The following HERC3 variants were observed in gnomAD, a reference collection of about 807,000 sequenced individuals.
HERC3 encodes the protein HECT and RLD domain containing E3 ubiquitin protein ligase 3.
A neutral mutation model predicts 129.9 loss-of-function variants in HERC3; 58 were observed. The ratio of observed to expected loss-of-function variants is 0.45; its 90% CI spans 0.36 to 0.56. HERC3 has a LOEUF of 0.56. HERC3 is among the 20% of genes least tolerant of loss of function. The probability of loss-of-function intolerance (pLI) is 0.00; values close to 1 mark genes in which losing one functional copy is unlikely to be tolerated. For missense variants in HERC3, 835 were observed against 1,244.2 expected (o/e 0.67, Z 4.95); for synonymous variants, 430 against 451.0 (o/e 0.95, Z 0.59).
chr4:88,690,401 C>T lies in HERC3; in HGVS notation c.2657+3102C>T, dbSNP rs2924366. The stretch of plus-strand genomic sequence containing the variant: ...ATAACATTGTAGATGCGTGTGAGTA[C>T]GTATGTAGATACATACGTAACCTTT... On this transcript the variant is annotated intron_variant, in intron 23 of 25. Coordinates refer to ENST00000402738, the MANE Select transcript of HERC3 (RefSeq NM_014606.3). 0.012 allele frequency: 11,442 copies of T among 985,000 alleles called. 542 individuals carry two copies. In the East Asian group the frequency reaches 0.26, roughly 23 times the overall value. The allele number at this position is 985,000 out of a possible 1,614,324, so 61.0% of individuals were successfully genotyped here. A position where few individuals can be genotyped will look rare whatever the true frequency, so the allele number is the denominator to read the frequency against.
At chr4:88,549,829 G>A in the HERC3 span, among the ~76,000 whole-genome samples, 2 of 151,908 alleles carry the variant, frequency 1.3e-5, no homozygotes, top group South Asian at 2.1e-4. Context: ...CTCAGTGTGA[G>A]AAAACATTTG....
At chr4:88,670,368 C>T (rs1189653290) in intron 16 of HERC3, 116 bp downstream of exon 16, 1 of 696,568 alleles carries the variant, frequency 1.4e-6, no homozygotes, top group Admixed American at 2.7e-5. Context: ...CTTCATCCAG[C>T]TGGCCTTTTG....
intron 4 of HERC3, among the ~76,000 whole-genome samples, chr4:88,651,690 A>G (rs192112143): frequency 1.3e-5 from 2 of 152,234 alleles, no homozygotes; most frequent in East Asian, 1.9e-4. Flanking sequence ...TGTTGAAGCA[A>G]TTCTCTGCCT....
chr4:88,676,784 A>G (rs1033847817), intron 18 of HERC3, among the ~76,000 whole-genome samples: 1 of 152,234 alleles, frequency 6.6e-6, no homozygotes, highest in Admixed American at 6.5e-5. Context: ...AAATTTGCAT[A>G]TTATATAATT....
intron 15 of HERC3, 32 bp downstream of exon 15, chr4:88,670,055 T>C: frequency 6.2e-7 from 1 of 1,607,030 alleles, no homozygotes; most frequent in South Asian, 1.1e-5. Context: ...GGGGAGGGGG[T>C]GATTAGATGG....
intron 18 of HERC3, among the ~76,000 whole-genome samples, chr4:88,677,445 T>A (rs2149311866): frequency 6.6e-6 from 1 of 152,234 alleles, no homozygotes; most frequent in East Asian, 1.9e-4. Context: ...TATCTTTCCC[T>A]CTCCATCTCT....
chr4:88,682,829 T>C (rs528740483), intron 21 of HERC3, among the ~76,000 whole-genome samples: 1 of 152,068 alleles, frequency 6.6e-6, no homozygotes, highest in African/African-American at 2.4e-5. Context: ...ATCCTTTGGG[T>C]ATATACCCAG....
At chr4:88,533,921 C>T in the HERC3 span, among the ~76,000 whole-genome samples, 1 of 152,162 alleles carries the variant, frequency 6.6e-6, no homozygotes, top group Non-Finnish European at 1.5e-5. Flanking sequence ...TGTACCTTCA[C>T]TATCACCCAG....
chr4:88,634,772 C>T (rs113544904), intron 3 of HERC3, among the ~76,000 whole-genome samples: 258 of 151,546 alleles, frequency 1.7e-3, no homozygotes, highest in African/African-American at 5.9e-3. Flanking sequence ...CAGTGCCCCT[C>T]GAGGTCAGAG....
chr4:88,617,187 A>AAAG (rs1264397960), intron 3 of HERC3, among the ~76,000 whole-genome samples: 1 of 150,474 alleles, frequency 6.6e-6, no homozygotes, highest in African/African-American at 2.4e-5. Context: ...AAAAAAAAAA[A>AAAG]AAAAAAAAAA....
chr4:88,654,733 G>A lies in HERC3; in HGVS notation c.778-441G>A, dbSNP rs138928139. On this transcript the variant is annotated intron_variant, in intron 7 of 25. Coordinates refer to ENST00000402738, the MANE Select transcript of HERC3 (RefSeq NM_014606.3). Reference sequence around the variant, plus strand: ...TTATATTGAACAAATATTATTCTACGTTCACTTTGATAAAATGCCTTAACA... The same window carrying A: ...TTATATTGAACAAATATTATTCTACATTCACTTTGATAAAATGCCTTAACA... 5.3e-3 allele frequency among the ~76,000 whole-genome samples: 809 copies of A among 151,670 alleles called. 5 individuals carry two copies. Among genetic ancestry groups the A allele is most frequent in the Non-Finnish European group, 7.9e-3 (536 of 67,886 alleles).
chr4:88,689,510 C>T (rs1256575457), intron 23 of HERC3, among the ~76,000 whole-genome samples: 1 of 145,492 alleles, frequency 6.9e-6, no homozygotes, highest in East Asian at 2.0e-4. Context: ...CAAAGCAAGA[C>T]CTCATCTCCC....
At chr4:88,535,215 T>A in the HERC3 span, among the ~76,000 whole-genome samples, 1 of 152,256 alleles carries the variant, frequency 6.6e-6, no homozygotes, top group Non-Finnish European at 1.5e-5. Context: ...CATCTTTGAC[T>A]GACTCAGAGA....
At chr4:88,539,772 C>T in the HERC3 span, among the ~76,000 whole-genome samples, 3 of 152,134 alleles carry the variant, frequency 2.0e-5, no homozygotes, top group Non-Finnish European at 4.4e-5. Flanking sequence ...CTGCAGCTTC[C>T]GCTGGTGATA....
chr4:88,676,557 T>TTTTCAGTAA, intron 18 of HERC3, 134 bp downstream of exon 18: 1 of 662,220 alleles, frequency 1.5e-6, no homozygotes, highest in Non-Finnish European at 2.6e-6. Context: ...TGTTTGAAAC[T>TTTTCAGTAA]TTTCAGTAAT....
chr4:88,538,954 C>G, the HERC3 span, among the ~76,000 whole-genome samples: 1 of 152,154 alleles, frequency 6.6e-6, no homozygotes. Context: ...CACTTGCTTC[C>G]AAGATGGCCA....
At chr4:88,691,758 C>T (rs573957341) in intron 23 of HERC3, among the ~76,000 whole-genome samples, 33 of 152,300 alleles carry the variant, frequency 2.2e-4, no homozygotes, top group African/African-American at 7.5e-4. Context: ...AAAGATTGAT[C>T]ATTATAGTCA....
intron 11 of HERC3, among the ~76,000 whole-genome samples, chr4:88,663,351 C>T (rs115829679): frequency 0.02 from 3,085 of 152,206 alleles, 104 homozygotes; most frequent in African/African-American, 0.071. Flanking sequence ...CTTAGGATGG[C>T]TCTGCCAAGG....
At chr4:88,576,538 C>G in the HERC3 span, among the ~76,000 whole-genome samples, 1 of 152,176 alleles carries the variant, frequency 6.6e-6, no homozygotes, top group Admixed American at 6.5e-5. Context: ...GCTCTTCTCC[C>G]ACCTGGCAAC....
Sources: gnomAD v4.1 joint callset for allele counts (sites outside exome capture counted in the v4.1 genomes callset) on GRCh38, gnomAD v4.1.1 for gene constraint, MANE v1.5 for transcripts, NCBI Gene and HGNC (gene_info 2026-07-23, HGNC 2026-07-21) for gene names.